Variants in MACROD2 observed in about 807,000 individuals in gnomAD.
The protein encoded by MACROD2 is ADP-ribose glycohydrolase MACROD2.
MACROD2 carries 36 observed loss-of-function variants against 70.4 expected under a neutral mutation model. The observed-to-expected ratio is 0.51, with a 90% CI of 0.39 to 0.68. MACROD2 has a LOEUF of 0.68. MACROD2 is among the 30% of genes least tolerant of loss of function. The pLI is 0.00. For synonymous variants in MACROD2, 172 were observed against 178.8 expected (o/e 0.96, Z 0.30); for missense variants, 496 against 538.4 (o/e 0.92, Z 0.78).
chr20:15,875,334 T>C (rs1009864621), intron 9 of MACROD2, among the ~76,000 whole-genome samples: 1 of 152,152 alleles, frequency 6.6e-6, no homozygotes, highest in South Asian at 2.1e-4. Flanking sequence ...AAATGATACA[T>C]TCAATGTAGA....
chr20:15,696,305 T>C (rs767484307), intron 8 of MACROD2, among the ~76,000 whole-genome samples: 2 of 152,212 alleles, frequency 1.3e-5, no homozygotes, highest in Non-Finnish European at 1.5e-5. Context: ...GATGATCATG[T>C]GATTTTTTGT....
At chr20:14,938,185 T>A (rs536882302) in intron 5 of MACROD2, among the ~76,000 whole-genome samples, 24 of 152,170 alleles carry the variant, frequency 1.6e-4, no homozygotes, top group African/African-American at 5.8e-4. Flanking sequence ...TTTTATTGAT[T>A]TCCTTTCTTT....
chr20:14,181,891 T>C (rs1418534976), intron 3 of MACROD2, among the ~76,000 whole-genome samples: 14 of 152,226 alleles, frequency 9.2e-5, no homozygotes, highest in Non-Finnish European at 1.5e-5. Context: ...CATTCATCAG[T>C]TGATAGAAAT....
chr20:15,296,206 T>C (rs6110566), intron 6 of MACROD2, among the ~76,000 whole-genome samples: 16,885 of 152,166 alleles, frequency 0.11, 1,558 homozygotes, highest in East Asian at 0.52. Context: ...GAGAGGAACA[T>C]GTTAAATTAT....
At chr20:15,804,699 G>A (rs980814532) in intron 8 of MACROD2, among the ~76,000 whole-genome samples, 4 of 152,138 alleles carry the variant, frequency 2.6e-5, no homozygotes, top group African/African-American at 4.8e-5. Context: ...GGAGAAATGT[G>A]TCAGTGCTTA....
Position 15,276,128 on chromosome 20 carries a change from C to T in MACROD2, c.540+46067C>T, listed in dbSNP as rs145501976. Reference sequence around the variant, plus strand: ...AAAATCTCATTGATGAGGCTGGTTGCGGTAGCTCATGCCTGTAGTCCCAGC... The same window carrying T: ...AAAATCTCATTGATGAGGCTGGTTGTGGTAGCTCATGCCTGTAGTCCCAGC... On this transcript the variant is annotated intron_variant, in intron 6 of 17. Transcript: ENST00000684519. Among the ~76,000 whole-genome samples, 860 of 152,196 alleles carry T rather than the reference C, an allele frequency of 5.7e-3. 12 individuals carry two copies. The highest frequency in any genetic ancestry group is 0.02 in the African/African-American group (823 of 41,532).
chr20:14,072,934 GAAA>G (rs201463181), intron 2 of MACROD2, among the ~76,000 whole-genome samples: 1 of 118,072 alleles, frequency 8.5e-6, no homozygotes, highest in Non-Finnish European at 1.8e-5. Context: ...ACTCCGTCTA[GAAA>G]AAAAAAAAAA....
intron 8 of MACROD2, among the ~76,000 whole-genome samples, chr20:15,553,612 G>T (rs1404779043): frequency 6.6e-6 from 1 of 152,090 alleles, no homozygotes; most frequent in South Asian, 2.1e-4. Flanking sequence ...TAGAGTTGGG[G>T]TTCCACCATG....
intron 13 of MACROD2, among the ~76,000 whole-genome samples, chr20:15,970,315 T>A (rs1244032970): frequency 1.3e-5 from 2 of 152,160 alleles, no homozygotes; most frequent in Non-Finnish European, 2.9e-5. Context: ...AGATAAATAT[T>A]GATGGTATAA....
intron 5 of MACROD2, among the ~76,000 whole-genome samples, chr20:15,058,124 T>A (rs534409786): frequency 1.3e-5 from 2 of 152,204 alleles, no homozygotes; most frequent in Admixed American, 1.3e-4. Flanking sequence ...GGGAAGGGCA[T>A]AGTCTTTCTA....
In MACROD2 at chr20:15,987,137, G is replaced by A. The variant is rs763192678; in HGVS notation, c.1132G>A (p.Glu378Lys). Residue 378 changes from glutamate to lysine, a missense_variant, in exon 15 of 18, where the codon GAA (glutamate) becomes AAA (lysine). Transcript: ENST00000684519. Reference protein sequence around the residue: ...PEVIPLTEDQEEKEGEKAPGE... With the variant: ...PEVIPLTEDQKEKEGEKAPGE... The stretch of plus-strand genomic sequence containing the variant: ...AGTGATTCCATTAACAGAGGACCAA[G>A]AAGAAAAAGAAGGTGAAAAAGGTAG... 4.3e-6 allele frequency: 7 copies of A among 1,609,898 alleles called. No individual in the cohort carries two copies. Among genetic ancestry groups the A allele is most frequent in the South Asian group, 2.2e-5 (2 of 89,982 alleles).
At chr20:14,234,281 C>G (rs6033907) in intron 3 of MACROD2, among the ~76,000 whole-genome samples, 1 of 152,180 alleles carries the variant, frequency 6.6e-6, no homozygotes, top group Non-Finnish European at 1.5e-5. Context: ...ACCATGTATT[C>G]TATTGATTGT....
intron 5 of MACROD2, among the ~76,000 whole-genome samples, chr20:15,155,348 T>G (rs2076299690): frequency 6.6e-6 from 1 of 152,126 alleles, no homozygotes; most frequent in African/African-American, 2.4e-5. Context: ...CCTTCCAGCC[T>G]CATTTCTCAC....
intron 8 of MACROD2, among the ~76,000 whole-genome samples, chr20:15,676,349 A>G (rs1048975014): frequency 5.3e-4 from 80 of 152,258 alleles, no homozygotes; most frequent in Non-Finnish European, 2.6e-4. Flanking sequence ...GGCAATGCCC[A>G]TGCAAATATT....
intron 3 of MACROD2, among the ~76,000 whole-genome samples, chr20:14,460,060 CT>C (rs1049243500): frequency 6.6e-6 from 1 of 152,036 alleles, no homozygotes; most frequent in African/African-American, 2.4e-5. Flanking sequence ...TGAACTCATC[CT>C]TTTTTATGGC....
intron 3 of MACROD2, among the ~76,000 whole-genome samples, chr20:14,166,900 A>G (rs1370237119): frequency 6.6e-6 from 1 of 152,166 alleles, no homozygotes; most frequent in East Asian, 1.9e-4. Context: ...TTACTTCAGC[A>G]TATTGCTTTC....
chr20:14,224,946 C>A (rs2081718534), intron 3 of MACROD2, among the ~76,000 whole-genome samples: 1 of 152,170 alleles, frequency 6.6e-6, no homozygotes, highest in Admixed American at 6.5e-5. Flanking sequence ...TTCCAGTGAG[C>A]ACTGTGCTTG....
intron 5 of MACROD2, among the ~76,000 whole-genome samples, chr20:15,076,049 A>G (rs1248031851): frequency 6.6e-6 from 1 of 152,192 alleles, no homozygotes; most frequent in Admixed American, 6.6e-5. Flanking sequence ...TAACCTTATA[A>G]TCAAGGTTTA....
At chr20:14,017,447 A>G (rs897981925) in intron 2 of MACROD2, among the ~76,000 whole-genome samples, 1 of 152,096 alleles carries the variant, frequency 6.6e-6, no homozygotes, top group African/African-American at 2.4e-5. Context: ...AGTATTGAGT[A>G]TTGTGTTACC....
Sources: allele counts gnomAD v4.1 joint callset (sites outside exome capture counted in the v4.1 genomes callset), GRCh38; gene constraint gnomAD v4.1.1; transcripts MANE v1.5; gene names NCBI Gene and HGNC (gene_info 2026-07-23, HGNC 2026-07-21).